The following PDZD8 variants were observed in gnomAD, a reference collection of about 807,000 sequenced individuals.
PDZD8 encodes the protein PDZ domain-containing protein 8.
Under a neutral mutation model 85.8 loss-of-function variants are expected in PDZD8, and 14 were observed. That is an observed-to-expected ratio of 0.16 (90% CI 0.11 to 0.26). The LOEUF is 0.26. Ranked by LOEUF, PDZD8 falls within the 10% of genes least tolerant of loss-of-function variation. PDZD8 has a pLI of 1.00. For synonymous variants in PDZD8, 592 were observed against 568.6 expected, an observed-to-expected ratio of 1.04 and a Z score of -0.59; for missense variants, 1,197 against 1,424.3, an observed-to-expected ratio of 0.84 and a Z score of 2.57.
chr10:117,322,944 C>T (rs1037914572), intron 2 of PDZD8, among the ~76,000 whole-genome samples: 2 of 152,164 alleles, frequency 1.3e-5, no homozygotes, highest in African/African-American at 2.4e-5. Context: ...TTTATCTTGG[C>T]TCTGGGAGAC....
intron 3 of PDZD8, among the ~76,000 whole-genome samples, chr10:117,295,331 A>G (rs1436557564): frequency 2.0e-5 from 3 of 152,220 alleles, no homozygotes; most frequent in South Asian, 2.1e-4. Flanking sequence ...AGCAACCAAT[A>G]TAACTAGAAA....
intron 3 of PDZD8, among the ~76,000 whole-genome samples, chr10:117,300,550 G>T (rs893548430): frequency 6.6e-6 from 1 of 152,080 alleles, no homozygotes; most frequent in Non-Finnish European, 1.5e-5. Context: ...ATATAAAAAA[G>T]CTCCTTTGGT....
chr10:117,306,134 C>T (rs1843939398), intron 3 of PDZD8, among the ~76,000 whole-genome samples: 1 of 152,138 alleles, frequency 6.6e-6, no homozygotes, highest in South Asian at 2.1e-4. Context: ...GCCAGCTTGG[C>T]CATTTGATAA....
At chr10:117,303,072 G>C (rs530389764) in intron 3 of PDZD8, among the ~76,000 whole-genome samples, 1 of 152,302 alleles carries the variant, frequency 6.6e-6, no homozygotes, top group East Asian at 1.9e-4. Flanking sequence ...TTTGGAACTG[G>C]GTAAAAGGCA....
At chr10:117,360,401 T>C (rs189562294) in intron 1 of PDZD8, among the ~76,000 whole-genome samples, 1 of 152,136 alleles carries the variant, frequency 6.6e-6, no homozygotes, top group East Asian at 1.9e-4. Flanking sequence ...TTCACATAGC[T>C]AAAAAAATGG....
rs1157675635 is a variant in PDZD8, at chr10:117,278,209, G to A, written c.*5059C>T. Reference sequence around the variant, plus strand: ...TGACTATATCTTTGATCTGTTTGCAGGTCATCCAAGTGTTTTCTAGGAATA... The same window carrying A: ...TGACTATATCTTTGATCTGTTTGCAAGTCATCCAAGTGTTTTCTAGGAATA... On this transcript the variant is annotated 3_prime_UTR_variant, in exon 5 of 5. Transcript: ENST00000334464. The A allele has an allele frequency of 6.6e-6, 1 of 152,122 alleles. No homozygotes were observed. The highest frequency in any genetic ancestry group is 1.5e-5 in the Non-Finnish European group (1 of 68,010). 9.4% of individuals were successfully genotyped at this position (152,122 alleles called of 1,614,324 possible).
intron 1 of PDZD8, among the ~76,000 whole-genome samples, chr10:117,344,983 G>C (rs1249779285): frequency 6.6e-6 from 1 of 152,112 alleles, no homozygotes; most frequent in Non-Finnish European, 1.5e-5. Context: ...AAGCCAAGAG[G>C]ACCTCTGGCT....
chr10:117,365,534 G>C (rs1845073053), intron 1 of PDZD8, among the ~76,000 whole-genome samples: 1 of 152,032 alleles, frequency 6.6e-6, no homozygotes, highest in Admixed American at 6.6e-5. Context: ...AAGTGAGTTT[G>C]TCGCTCATTT....
chr10:117,286,552 G>A (rs977242513), intron 4 of PDZD8, among the ~76,000 whole-genome samples: 3 of 152,120 alleles, frequency 2.0e-5, no homozygotes, highest in African/African-American at 4.8e-5. Flanking sequence ...CTTTAGACTC[G>A]GTCATCACTT....
rs758520893 is a variant in PDZD8 at position 117,374,517 on chromosome 10, G to C, written c.711C>G (p.Pro237=). 6.2e-7 allele frequency: 1 copy of C among 1,611,948 alleles called. No individual in the cohort carries two copies. Among genetic ancestry groups the C allele is most frequent in the African/African-American group, 1.3e-5 (1 of 74,942 alleles). Residue 237 remains proline, a synonymous_variant, in exon 1 of 5, where the codon CCC becomes CCG. Coordinates refer to ENST00000334464, the MANE Select transcript of PDZD8 (RefSeq NM_173791.5). The surrounding 1 kb of genome is among the most constrained non-coding windows in gnomAD (Gnocchi z 7.8). The stretch of plus-strand genomic sequence containing the variant: ...CGAAGGAGAAGAACCAGTGGGTGAA[G>C]GGCACGCGCGTAAAGACCAAGCGCA... The part of the protein sequence containing the change: ...GRLRLVFTRV[P]FTHWFFSFVE...
At chr10:117,345,769 T>A (rs1248712986) in intron 1 of PDZD8, among the ~76,000 whole-genome samples, 1 of 152,100 alleles carries the variant, frequency 6.6e-6, no homozygotes, top group Non-Finnish European at 1.5e-5. Context: ...CAGAAAAAGA[T>A]TCAAAATTTG....
At chr10:117,349,099 C>A (rs1266255216) in intron 1 of PDZD8, among the ~76,000 whole-genome samples, 1 of 152,108 alleles carries the variant, frequency 6.6e-6, no homozygotes, top group Admixed American at 6.5e-5. Context: ...AAAATAAGGG[C>A]ATAAAGCAAG....
At chr10:117,298,900 G>A (rs930905145) in intron 3 of PDZD8, among the ~76,000 whole-genome samples, 14 of 151,858 alleles carry the variant, frequency 9.2e-5, no homozygotes, top group African/African-American at 2.9e-4. Context: ...ATATCCACAA[G>A]GGTTCCAGGA....
In PDZD8 at chr10:117,374,706, GGGCT is replaced by G; in HGVS notation, c.518_521del (p.Glu173AlafsTer77). ...GCAGCGCCTCCCCTTCAGGGCCATC[GGGCT>G]CCCCGGTGGCCGAGGGCACGACTGG... On this transcript the variant is annotated frameshift_variant, in exon 1 of 5. Coordinates refer to ENST00000334464, the MANE Select transcript of PDZD8 (RefSeq NM_173791.5). LOFTEE classifies it high-confidence loss of function. This position sits in a 1 kb window ranked among gnomAD's most constrained non-coding sequence, Gnocchi z 7.8. 6.2e-7 allele frequency: 1 copy of G among 1,604,848 alleles called. No homozygotes were observed. Among genetic ancestry groups the G allele is most frequent in the Non-Finnish European group, 8.5e-7 (1 of 1,176,314 alleles).
intron 2 of PDZD8, among the ~76,000 whole-genome samples, chr10:117,337,206 A>G (rs780244207): frequency 2.6e-5 from 4 of 152,180 alleles, no homozygotes; most frequent in Non-Finnish European, 5.9e-5. Flanking sequence ...TTAAGTATAC[A>G]TGCTTACATG....
chr10:117,375,030 A>C lies in PDZD8; in HGVS notation c.198T>G (p.Asp66Glu). 6.3e-7 allele frequency: 1 copy of C among 1,588,848 alleles called. No individual in the cohort carries two copies. Among genetic ancestry groups the C allele is most frequent in the Non-Finnish European group, 8.6e-7 (1 of 1,168,594 alleles). Residue 66 changes from aspartate to glutamate, a missense_variant, in exon 1 of 5, where the codon GAT (aspartate) becomes GAG (glutamate). Coordinates refer to ENST00000334464, the MANE Select transcript of PDZD8 (RefSeq NM_173791.5). The stretch of plus-strand genomic sequence containing the variant: ...CAGGGGCCGCTCCGGAGGGCTCCTC[A>C]TCCCGGCCGCCGCCATAAAGGTACT... ...LREYLYGGGR[D>E]EEPSGAAPEG...
At chr10:117,291,732 A>G (rs139556717) in intron 3 of PDZD8, among the ~76,000 whole-genome samples, 568 of 152,106 alleles carry the variant, frequency 3.7e-3, no homozygotes, top group Non-Finnish European at 6.4e-3. Context: ...CTAACCCATC[A>G]AGATCATTTT....
intron 2 of PDZD8, among the ~76,000 whole-genome samples, chr10:117,324,324 C>T (rs1200629121): frequency 6.6e-6 from 1 of 151,324 alleles, no homozygotes; most frequent in African/African-American, 2.4e-5. Context: ...AAATGACTTC[C>T]AAATTATTCC....
Position 117,284,977 on chromosome 10 carries a change from C to T in PDZD8, c.1756G>A (p.Ala586Thr). 6.2e-7 allele frequency: 1 copy of T among 1,614,100 alleles called. No individual in the cohort carries two copies. Among genetic ancestry groups the T allele is most frequent in the East Asian group, 2.2e-5 (1 of 44,874 alleles). Residue 586 changes from alanine to threonine, a missense_variant, in exon 5 of 5, where the codon GCT (alanine) becomes ACT (threonine). Ala to Thr is a moderately conservative substitution (Grantham distance 58). Transcript: ENST00000334464. ...CGTGGTGGCACAGGTGGTTTGAAAG[C>T]AGATCCTTGGGTTGGTTTTGACACT... ...AQVSKPTQGS[A>T]FKPPVPPRPQ...
Sources: allele counts gnomAD v4.1 joint callset (sites outside exome capture counted in the v4.1 genomes callset), GRCh38; gene constraint gnomAD v4.1.1; non-coding constraint Gnocchi (gnomAD v3.1); transcripts MANE v1.5; gene names NCBI Gene and HGNC (gene_info 2026-07-23, HGNC 2026-07-21).